The following GABRR2 variants were observed in gnomAD, a reference collection of about 807,000 sequenced individuals.
The protein encoded by GABRR2 is gamma-aminobutyric acid receptor subunit rho-2.
GABRR2 carries 36 observed loss-of-function variants against 47.0 expected under a neutral mutation model. That is an observed-to-expected ratio of 0.77 (90% confidence interval 0.59 to 1.01). The LOEUF (loss-of-function observed/expected upper bound fraction) is 1.01. GABRR2 is among the 50% of genes least tolerant of loss of function. The pLI is 0.00. For missense variants in GABRR2, 587 were observed against 594.6 expected (o/e 0.99, Z 0.13); for synonymous variants, 204 against 227.5 (o/e 0.90, Z 0.93).
At chr6:89,265,872 A>G in intron 6 of GABRR2, 107 bp from the exon 7 acceptor site, 1 of 1,111,752 alleles carries the variant, frequency 9.0e-7, no homozygotes, top group Admixed American at 2.4e-5. Context: ...AGCAACAGAA[A>G]GTTGAAATTA....
intron 2 of GABRR2, among the ~76,000 whole-genome samples, chr6:89,291,505 C>T (rs148162672): frequency 1.0e-3 from 159 of 152,018 alleles, no homozygotes; most frequent in African/African-American, 3.6e-3. Flanking sequence ...AATCCAGCCA[C>T]GTGGACCTGC....
intron 2 of GABRR2, among the ~76,000 whole-genome samples, chr6:89,284,845 T>G (rs1311144604): frequency 6.6e-6 from 1 of 152,222 alleles, no homozygotes; most frequent in African/African-American, 2.4e-5. Flanking sequence ...GTTTTACCTC[T>G]CAAAAATTTT....
Position 89,257,731 on chromosome 6 carries a change from C to T in GABRR2, c.1337G>A (p.Arg446Lys). ...QNTHAIDKYS[R>K]LIFPASYIFF... ...TATGTAGGAGGCAGGGAATATCAAC[C>T]TAGAGTATTTGTCAATGGCATGGGT... The change falls in exon 9 of 9, where the codon AGG becomes AAG. Residue 446 changes from arginine (R) to lysine (K), a missense_variant. Arg to Lys is a conservative substitution (Grantham distance 26, BLOSUM62 2). Transcript: ENST00000402938. 1.9e-6 allele frequency: 3 copies of T among 1,613,960 alleles called. No individual in the cohort carries two copies. In the South Asian group the frequency reaches 3.3e-5, roughly 18 times the overall value.
At chr6:89,282,986 G>A (rs929765171) in intron 2 of GABRR2, among the ~76,000 whole-genome samples, 40 of 152,342 alleles carry the variant, frequency 2.6e-4, no homozygotes, top group Middle Eastern at 6.8e-3. Flanking sequence ...CTCACTAGCT[G>A]AGGACTGACT....
chr6:89,291,010 C>G lies in GABRR2; in HGVS notation c.220+8749G>C, dbSNP rs567437383. 2.3e-3 allele frequency among the ~76,000 whole-genome samples: 346 copies of G among 152,304 alleles called. 1 individual carries two copies. Among genetic ancestry groups the G allele is most frequent in the Non-Finnish European group, 3.8e-3 (261 of 68,026 alleles). On this transcript the variant is annotated intron_variant, in intron 2 of 8. Coordinates refer to ENST00000402938, the MANE Select transcript of GABRR2 (RefSeq NM_002043.5). ...TCCGTAAACGCACTTTCACTAGGCT[C>G]TCTTCAATGACCCCTTGGAGCATGC... is the stretch of plus-strand genomic sequence containing the variant.
chr6:89,315,169 G>A lies in GABRR2; in HGVS notation c.-4C>T. The A allele has an allele frequency of 6.2e-7, 1 of 1,613,816 alleles. No homozygotes were observed. ...TGAGTCTTGTAAAATAAGGCATTTT[G>A]TGGACATCTGTGAGGCAAAAAGCTG... On this transcript the variant is annotated 5_prime_UTR_variant, in exon 1 of 9. Coordinates refer to ENST00000402938, the MANE Select transcript of GABRR2 (RefSeq NM_002043.5).
intron 2 of GABRR2, among the ~76,000 whole-genome samples, chr6:89,286,916 C>G (rs538679764): frequency 6.6e-6 from 1 of 152,256 alleles, no homozygotes; most frequent in African/African-American, 2.4e-5. Flanking sequence ...CCCGAGGGAG[C>G]CCCAGAAGAC....
intron 2 of GABRR2, among the ~76,000 whole-genome samples, chr6:89,272,050 C>T (rs1428620145): frequency 2.0e-5 from 3 of 152,160 alleles, no homozygotes; most frequent in Non-Finnish European, 4.4e-5. Flanking sequence ...GGCTGTAGTG[C>T]CTGACTGGAG....
intron 1 of GABRR2, among the ~76,000 whole-genome samples, chr6:89,313,776 G>A (rs980633045): frequency 3.3e-5 from 5 of 152,098 alleles, no homozygotes; most frequent in Admixed American, 2.6e-4. Context: ...AATTAGCCAG[G>A]CATGCTGGTG....
chr6:89,281,784 G>T (rs542999492), intron 2 of GABRR2, among the ~76,000 whole-genome samples: 4 of 152,188 alleles, frequency 2.6e-5, no homozygotes, highest in South Asian at 2.1e-4. Context: ...CGCTTCTCTG[G>T]ACTGGTGTCT....
chr6:89,282,738 C>T (rs911112991), intron 2 of GABRR2, among the ~76,000 whole-genome samples: 2 of 152,222 alleles, frequency 1.3e-5, no homozygotes, highest in Non-Finnish European at 2.9e-5. Flanking sequence ...AGAGGCAGCC[C>T]GAAGTGGGGC....
At chr6:89,275,313 A>T (rs1409317773) in intron 2 of GABRR2, among the ~76,000 whole-genome samples, 1 of 152,130 alleles carries the variant, frequency 6.6e-6, no homozygotes, top group Non-Finnish European at 1.5e-5. Flanking sequence ...TCGCTCTGTC[A>T]CCCAGGCTGG....
intron 2 of GABRR2, among the ~76,000 whole-genome samples, chr6:89,297,698 T>C (rs779941094): frequency 6.6e-6 from 1 of 152,058 alleles, no homozygotes; most frequent in Non-Finnish European, 1.5e-5. Flanking sequence ...CTACTAAAAA[T>C]ACAAAAGAAT....
chr6:89,261,123 C>A (rs1480713715), intron 8 of GABRR2, among the ~76,000 whole-genome samples: 1 of 152,184 alleles, frequency 6.6e-6, no homozygotes, highest in Non-Finnish European at 1.5e-5. Context: ...GGAAACAGGG[C>A]AAGTTGTGCC....
intron 6 of GABRR2, among the ~76,000 whole-genome samples, chr6:89,266,654 T>C (rs1773903326): frequency 6.6e-6 from 1 of 152,216 alleles, no homozygotes; most frequent in African/African-American, 2.4e-5. Context: ...CAGGCGAGTG[T>C]ACAGTTCACT....
At chr6:89,309,912 G>A (rs1178822080) in intron 1 of GABRR2, among the ~76,000 whole-genome samples, 2 of 151,606 alleles carry the variant, frequency 1.3e-5, no homozygotes, top group Non-Finnish European at 2.9e-5. Flanking sequence ...TGAGCAGCTG[G>A]GGTTAACAGG....
intron 1 of GABRR2, chr6:89,301,783 A>C: frequency 3.9e-6 from 3 of 776,456 alleles, no homozygotes; most frequent in Non-Finnish European, 6.8e-6. Flanking sequence ...CACGCCCAGT[A>C]TGAGGGAGAT....
chr6:89,264,321 A>C (rs927613315), intron 8 of GABRR2, 91 bp downstream of exon 8: 27 of 1,402,924 alleles, frequency 1.9e-5, no homozygotes, highest in South Asian at 2.8e-5. Context: ...CTTTTTCTAC[A>C]TGCAACCCCT....
chr6:89,297,383 G>C (rs780766041), intron 2 of GABRR2, among the ~76,000 whole-genome samples: 14 of 152,120 alleles, frequency 9.2e-5, no homozygotes, highest in East Asian at 1.9e-4. Context: ...AGCTAGGAGG[G>C]GGGTCCAACC....
Sources: gnomAD v4.1 joint callset for allele counts (sites outside exome capture counted in the v4.1 genomes callset) on GRCh38, gnomAD v4.1.1 for gene constraint, MANE v1.5 for transcripts, NCBI Gene and HGNC (gene_info 2026-07-23, HGNC 2026-07-21) for gene names.